Variants in ASIP observed in about 807,000 individuals in gnomAD.
ASIP encodes the protein agouti signaling protein.
ASIP carries 11 observed loss-of-function variants against 10.3 expected under a neutral mutation model. That is an observed-to-expected ratio of 1.07 (90% CI 0.68 to 1.78). The LOEUF is 1.78. ASIP is among the 40% of genes most tolerant of loss of function. The pLI is 0.00. For missense variants in ASIP, 180 were observed against 169.2 expected, an observed-to-expected ratio of 1.06 and a Z score of -0.35; for synonymous variants, 70 against 70.8, an observed-to-expected ratio of 0.99 and a Z score of 0.06.
chr20:34,198,501 T>A (rs2034873051), intron 1 of ASIP, among the ~76,000 whole-genome samples: 1 of 152,034 alleles, frequency 6.6e-6, no homozygotes, highest in African/African-American at 2.4e-5. Flanking sequence ...TTATTTATTT[T>A]TCAGAGACAG....
At chr20:34,265,413 A>G (rs2035767389) in intron 3 of ASIP, among the ~76,000 whole-genome samples, 1 of 152,086 alleles carries the variant, frequency 6.6e-6, no homozygotes, top group South Asian at 2.1e-4. Context: ...AGTCCCAGAT[A>G]CTCAGGAGGC....
chr20:34,251,028 A>G (rs949541817), intron 1 of ASIP, among the ~76,000 whole-genome samples: 12 of 152,160 alleles, frequency 7.9e-5, no homozygotes, highest in African/African-American at 2.9e-4. Context: ...CACGCACGTC[A>G]ACAAGACTCC....
At chr20:34,205,575 G>C (rs1248729357) in intron 1 of ASIP, among the ~76,000 whole-genome samples, 1 of 146,172 alleles carries the variant, frequency 6.8e-6, no homozygotes, top group Non-Finnish European at 1.5e-5. Context: ...GGACCCAAAC[G>C]GGTTGCTGCT....
At chr20:34,192,717 C>T (rs2034832040), upstream of ASIP, among the ~76,000 whole-genome samples, 1 of 152,160 alleles carries the variant, frequency 6.6e-6, no homozygotes, top group Admixed American at 6.5e-5. Flanking sequence ...GTGCTTACCT[C>T]ATACCTTGTT....
chr20:34,201,060 C>CTTTCTTTCTTTCTTTT (rs1568744601), intron 1 of ASIP, among the ~76,000 whole-genome samples: 1 of 94,042 alleles, frequency 1.1e-5, no homozygotes, highest in African/African-American at 3.7e-5. Flanking sequence ...TTCTTTCTTT[C>CTTTCTTTCTTTCTTTT]TTTTTTTTCC....
At chr20:34,187,415 A>C in the ASIP span, among the ~76,000 whole-genome samples, 3 of 152,182 alleles carry the variant, frequency 2.0e-5, no homozygotes, top group Non-Finnish European at 4.4e-5. Context: ...TCAGAGAAAA[A>C]ATCAATCCCC....
intron 3 of ASIP, among the ~76,000 whole-genome samples, chr20:34,265,573 C>A (rs1055524423): frequency 2.0e-5 from 3 of 151,992 alleles, no homozygotes; most frequent in Admixed American, 6.6e-5. Flanking sequence ...TGCCCCTAAC[C>A]CCTGCATTGT....
At chr20:34,250,633 A>G (rs2035458951) in intron 1 of ASIP, among the ~76,000 whole-genome samples, 1 of 152,206 alleles carries the variant, frequency 6.6e-6, no homozygotes, top group Non-Finnish European at 1.5e-5. Context: ...CCCGATCTCT[A>G]CTAAAAGTAC....
chr20:34,202,725 C>T (rs1188915272), intron 1 of ASIP, among the ~76,000 whole-genome samples: 2 of 150,934 alleles, frequency 1.3e-5, no homozygotes, highest in African/African-American at 4.9e-5. Context: ...TTTCCTGTAA[C>T]TTTGCAATAA....
At chr20:34,236,227 G>A (rs1386655652) in intron 1 of ASIP, among the ~76,000 whole-genome samples, 1 of 151,956 alleles carries the variant, frequency 6.6e-6, no homozygotes, top group Non-Finnish European at 1.5e-5. Context: ...CTAGCTCTAG[G>A]TGGTTTAAAT....
At chr20:34,258,477 T>C (rs2035612465) in intron 1 of ASIP, among the ~76,000 whole-genome samples, 1 of 150,296 alleles carries the variant, frequency 6.7e-6, no homozygotes, top group Non-Finnish European at 1.5e-5. Flanking sequence ...TGATGACCAT[T>C]AACAAATGAT....
At chr20:34,214,467 G>C in intron 1 of ASIP, 1 of 1,516,204 alleles carries the variant, frequency 6.6e-7, no homozygotes, top group East Asian at 2.3e-5. Flanking sequence ...TGAGAAGTGA[G>C]CACCATGAGA....
At chr20:34,240,304 A>T (rs1355807538), upstream of ASIP, among the ~76,000 whole-genome samples, 1 of 152,134 alleles carries the variant, frequency 6.6e-6, no homozygotes, top group Non-Finnish European at 1.5e-5. Flanking sequence ...CTTGTGAAAA[A>T]TTTAATTCAT....
At chr20:34,235,890 GAAGGAAGGA>G (rs1481436199) in intron 1 of ASIP, among the ~76,000 whole-genome samples, 2 of 90,298 alleles carry the variant, frequency 2.2e-5, no homozygotes, top group Non-Finnish European at 3.9e-5. Context: ...AGGAAGGAAG[GAAGGAAGGA>G]AAGGAAGGAA....
At chr20:34,240,022 A>G (rs1439707067), upstream of ASIP, among the ~76,000 whole-genome samples, 1 of 152,238 alleles carries the variant, frequency 6.6e-6, no homozygotes, top group Non-Finnish European at 1.5e-5. Flanking sequence ...TTTGAGGCAT[A>G]CACACTAACC....
At chr20:34,189,922 C>G (rs945759344), upstream of ASIP, among the ~76,000 whole-genome samples, 1 of 152,184 alleles carries the variant, frequency 6.6e-6, no homozygotes. Context: ...TTCCTCAGCT[C>G]GGTCCGGTGG....
Position 34,269,326 on chromosome 20 carries a change from A to G in ASIP, c.*159A>G. On this transcript the variant is annotated 3_prime_UTR_variant, in exon 4 of 4. Coordinates refer to ENST00000374954, the MANE Select transcript of ASIP (RefSeq NM_001672.3). ...ACCTGGCTTGGGCTAAAATCGAAAT[A>G]CAATATATATAGGCTGCTCGAAGGT... 1.1e-6 allele frequency: 1 copy of G among 928,698 alleles called. No individual in the cohort carries two copies. Among genetic ancestry groups the G allele is most frequent in the Non-Finnish European group, 1.5e-6 (1 of 652,512 alleles). The allele number at this position is 928,698 out of a possible 1,614,324, so 57.5% of individuals were successfully genotyped here. A position where few individuals can be genotyped will look rare whatever the true frequency, so the allele number is the denominator to read the frequency against.
At chr20:34,259,478 A>C (rs1601611471) in intron 1 of ASIP, among the ~76,000 whole-genome samples, 1 of 152,150 alleles carries the variant, frequency 6.6e-6, no homozygotes. Flanking sequence ...GTGCCACTGC[A>C]CTCCAGCCTA....
At chr20:34,236,009 A>AAG (rs2035202035) in intron 1 of ASIP, among the ~76,000 whole-genome samples, 3 of 107,518 alleles carry the variant, frequency 2.8e-5, no homozygotes, top group Non-Finnish European at 5.0e-5. Context: ...GGAGAAAGAG[A>AAG]GAAAGAGAGA....
Sources: allele counts gnomAD v4.1 joint callset (sites outside exome capture counted in the v4.1 genomes callset), GRCh38; gene constraint gnomAD v4.1.1; transcripts MANE v1.5; gene names NCBI Gene and HGNC (gene_info 2026-07-23, HGNC 2026-07-21).